GRIN1: variants seen among roughly 807,000 people sequenced by gnomAD.
GRIN1 encodes glutamate ionotropic receptor NMDA type subunit 1.
A neutral mutation model predicts 103.0 loss-of-function variants in GRIN1; 38 were observed. That is an observed-to-expected ratio of 0.37 (90% CI 0.28 to 0.48). The LOEUF is 0.48. GRIN1 is among the 20% of genes least tolerant of loss of function. The pLI is 0.98. For missense variants in GRIN1, 577 were observed against 1,288.9 expected, an observed-to-expected ratio of 0.45 and a Z score of 8.46; for synonymous variants, 544 against 532.7, an observed-to-expected ratio of 1.02 and a Z score of -0.29.
intron 3 of GRIN1, among the ~76,000 whole-genome samples, chr9:137,147,367 T>C (rs1255780015): frequency 1.3e-5 from 2 of 151,994 alleles, no homozygotes; most frequent in African/African-American, 2.4e-5. Flanking sequence ...CTCATGTGCA[T>C]GCTCACCCTT....
intron 8 of GRIN1, among the ~76,000 whole-genome samples, chr9:137,159,108 G>A (rs1377166939): frequency 1.3e-5 from 2 of 152,134 alleles, no homozygotes; most frequent in Non-Finnish European, 2.9e-5. Flanking sequence ...TGATGGGACC[G>A]GGTCAAACTG....
chr9:137,141,340 G>A (rs1009155828), intron 1 of GRIN1, among the ~76,000 whole-genome samples: 4 of 152,140 alleles, frequency 2.6e-5, no homozygotes, highest in African/African-American at 7.2e-5. Context: ...CAGCTCCAGG[G>A]GGCTGAGCCG....
intron 4 of GRIN1, among the ~76,000 whole-genome samples, chr9:137,152,786 CAT>C (rs1832978926): frequency 6.6e-6 from 1 of 152,164 alleles, no homozygotes; most frequent in African/African-American, 2.4e-5. Flanking sequence ...CCACACACCA[CAT>C]GTGTATGCAC....
rs1203173643 is a variant in GRIN1, at chr9:137,167,550, GC to G, written c.*28del. The stretch of plus-strand genomic sequence containing the variant: ...TGAGACTCCCCGCCCGCCCTCCTCT[GC>G]CCCCTCCCCCGCAGACAGACAGACA... On this transcript the variant is annotated 3_prime_UTR_variant, in exon 20 of 20. Coordinates refer to ENST00000371561, the MANE Select transcript of GRIN1 (RefSeq NM_007327.4). 2.7e-6 allele frequency: 4 copies of G among 1,483,932 alleles called. No homozygotes were observed. Among genetic ancestry groups the G allele is most frequent in the Admixed American group, 2.0e-5 (1 of 50,474 alleles). 91.9% of individuals were successfully genotyped at this position (1,483,932 alleles called of 1,614,324 possible).
In GRIN1 at chr9:137,168,463, C is replaced by A; in HGVS notation, c.*936C>A. The A allele has an allele frequency of 5.3e-6, 1 of 189,292 alleles. No homozygotes were observed. The highest frequency in any genetic ancestry group is 1.1e-5 in the Non-Finnish European group (1 of 94,000). The allele number at this position is 189,292 out of a possible 1,614,324, so 11.7% of individuals were successfully genotyped here. A position where few individuals can be genotyped will look rare whatever the true frequency, so the allele number is the denominator to read the frequency against. Reference sequence around the variant, plus strand: ...CCTCCTCTCCTCGTCCGGCCTGCAGCCCAGAACGGGCCTCCCCGGGGGTCC... The same window carrying A: ...CCTCCTCTCCTCGTCCGGCCTGCAGACCAGAACGGGCCTCCCCGGGGGTCC... On this transcript the variant is annotated 3_prime_UTR_variant, in exon 20 of 20. Coordinates refer to ENST00000371561, the MANE Select transcript of GRIN1 (RefSeq NM_007327.4).
intron 1 of GRIN1, among the ~76,000 whole-genome samples, chr9:137,140,749 C>T (rs573709097): frequency 7.9e-5 from 12 of 152,362 alleles, no homozygotes; most frequent in East Asian, 7.7e-4. Context: ...CTAGCACACG[C>T]GTGAACACCT....
intron 2 of GRIN1, among the ~76,000 whole-genome samples, chr9:137,143,629 C>T (rs186401652): frequency 6.6e-6 from 1 of 152,362 alleles, no homozygotes; most frequent in East Asian, 1.9e-4. Flanking sequence ...CTACAACCAA[C>T]CTGTGCCCAA....
At position 137,163,877 on chromosome 9, in the gene GRIN1, C is replaced by A. The variant is rs773955784; in HGVS notation, c.2562C>A (p.Ala854=). ...AGCAGATGCAGCTGGCCTTTGCCGC[C>A]GTTAACGTGTGGCGGAAGAACCTGC... is the stretch of plus-strand genomic sequence containing the variant. ...RRKQMQLAFA[A]VNVWRKNLQD... The change falls in exon 18 of 20, where the codon GCC becomes GCA. Residue 854 remains alanine (A), a synonymous_variant. Transcript: ENST00000371561. 3 of 1,612,846 alleles carry A rather than the reference C, an allele frequency of 1.9e-6. No individual in the cohort carries two copies. Among genetic ancestry groups the A allele is most frequent in the Non-Finnish European group, 2.5e-6 (3 of 1,179,930 alleles).
At chr9:137,166,710 G>A (rs1833896143) in intron 19 of GRIN1, among the ~76,000 whole-genome samples, 2 of 152,272 alleles carry the variant, frequency 1.3e-5, no homozygotes, top group African/African-American at 4.8e-5. Context: ...GGGGGCCACT[G>A]GAGGCTCAAG....
At position 137,145,770 on chromosome 9, in the gene GRIN1, C is replaced by T; in HGVS notation, c.438C>T (p.His146=). The change falls in exon 3 of 20, where the codon CAC becomes CAT. Residue 146 remains histidine, a synonymous_variant. Transcript: ENST00000371561. ...TGCGCACCGTGCCGCCCTACTCCCACCAGTCCAGCGTGTGGTTTGAGATGA... is the reference window on the plus strand; with the variant it reads ...TGCGCACCGTGCCGCCCTACTCCCATCAGTCCAGCGTGTGGTTTGAGATGA... ...SFLRTVPPYS[H]QSSVWFEMMR... The T allele has an allele frequency of 6.2e-7, 1 of 1,613,536 alleles. No individual in the cohort carries two copies. The highest frequency in any genetic ancestry group is 1.1e-5 in the South Asian group (1 of 91,068).
intron 4 of GRIN1, among the ~76,000 whole-genome samples, chr9:137,150,130 C>T (rs927635124): frequency 2.0e-5 from 3 of 152,178 alleles, no homozygotes; most frequent in African/African-American, 7.2e-5. Flanking sequence ...AGGCACTAAT[C>T]GTCCCCCATT....
intron 4 of GRIN1, among the ~76,000 whole-genome samples, chr9:137,150,872 G>GC (rs1832826234): frequency 8.5e-6 from 1 of 117,316 alleles, no homozygotes; most frequent in African/African-American, 3.4e-5. Context: ...CCCAGGGAAA[G>GC]CCCCGCCCAT....
rs1182599910 is a variant in GRIN1 at position 137,146,721 on chromosome 9, C to A, written c.570+819C>A. 1.3e-5 allele frequency among the ~76,000 whole-genome samples: 2 copies of A among 152,134 alleles called. No homozygotes were observed. The highest frequency in any genetic ancestry group is 2.9e-5 in the Non-Finnish European group (2 of 68,014). On this transcript the variant is annotated intron_variant, in intron 3 of 19. Transcript: ENST00000371561. This position sits in a 1 kb window ranked among gnomAD's most constrained non-coding sequence, Gnocchi z 6.7. ...TGGGTGCTCAGCACCTGGGCCAGCT[C>A]CTGATCAAGCAGTGGGAGGAGGCCC...
chr9:137,157,191 A>T (rs1164597246), intron 6 of GRIN1, among the ~76,000 whole-genome samples, 154 bp downstream of exon 6: 1 of 29,962 alleles, frequency 3.3e-5, no homozygotes, highest in African/African-American at 1.4e-4. Context: ...GGCCGCTCTT[A>T]GGGAGCTGGG....
At chr9:137,140,572 A>T (rs1376456004) in intron 1 of GRIN1, among the ~76,000 whole-genome samples, 13 of 152,244 alleles carry the variant, frequency 8.5e-5, no homozygotes, top group Admixed American at 8.5e-4. Context: ...TCATATGCTC[A>T]TCTGCACACA....
At position 137,162,991 on chromosome 9, in the gene GRIN1, C is replaced by T; in HGVS notation, c.2159C>T (p.Ala720Val). 6.2e-7 allele frequency: 1 copy of T among 1,601,058 alleles called. No homozygotes were observed. The highest frequency in any genetic ancestry group is 8.5e-7 in the Non-Finnish European group (1 of 1,175,108). ...NYESAAEAIQ[A>V]VRDNKLHAFI... ...GAGAGTGCGGCGGAGGCCATCCAGG[C>T]CGTGAGAGACAAGTGAGGCGCGGGC... Residue 720 changes from alanine (A) to valine (V), a missense_variant, in exon 15 of 20, where the codon GCC becomes GTC. Around this residue, in one of 9 missense-constraint regions of GRIN1, gnomAD observed 59 missense variants for 161.3 expected, o/e 0.37. Coordinates refer to ENST00000371561, the MANE Select transcript of GRIN1 (RefSeq NM_007327.4).
chr9:137,163,372 G>A (rs199984598), intron 16 of GRIN1, 42 bp downstream of exon 16: 5 of 1,605,186 alleles, frequency 3.1e-6, no homozygotes, highest in East Asian at 2.2e-5. Context: ...GCCCCTCTCC[G>A]CCAGAGGTGG....
At chr9:137,154,487 T>A in intron 4 of GRIN1, among the ~76,000 whole-genome samples, 1 of 117,702 alleles carries the variant, frequency 8.5e-6, no homozygotes, top group Non-Finnish European at 1.7e-5. Context: ...GGAGTCTCAC[T>A]CTGTCACCCA....
Position 137,146,280 on chromosome 9 carries a change from C to G in GRIN1, c.570+378C>G, listed in dbSNP as rs1832527771. Among the ~76,000 whole-genome samples the G allele has an allele frequency of 6.6e-6, 1 of 151,878 alleles. No individual in the cohort carries two copies. Among genetic ancestry groups the G allele is most frequent in the African/African-American group, 2.4e-5 (1 of 41,360 alleles). On this transcript the variant is annotated intron_variant, in intron 3 of 19. Coordinates refer to ENST00000371561, the MANE Select transcript of GRIN1 (RefSeq NM_007327.4). The surrounding 1 kb of genome is among the most constrained non-coding windows in gnomAD (Gnocchi z 6.7). ...GTCCTGAGTCCCCAGCAGCCTCCCT[C>G]TGGGCAAGGTCTCCCCTGTACACGA... is the stretch of plus-strand genomic sequence containing the variant.
Sources: allele counts gnomAD v4.1 joint callset (sites outside exome capture counted in the v4.1 genomes callset), GRCh38; gene constraint gnomAD v4.1.1; regional missense constraint gnomAD v4.1.1; non-coding constraint Gnocchi (gnomAD v3.1); transcripts MANE v1.5; gene names NCBI Gene and HGNC (gene_info 2026-07-23, HGNC 2026-07-21).